Variants in TAFA2 observed in about 807,000 individuals in gnomAD.
TAFA2 encodes chemokine-like protein TAFA-2.
A neutral mutation model predicts 18.8 loss-of-function variants in TAFA2; 7 were observed. The ratio of observed to expected loss-of-function variants is 0.37; its 90% CI spans 0.21 to 0.70. TAFA2 has a LOEUF of 0.70. Among genes scored for constraint, TAFA2 ranks in the 30% least tolerant of loss-of-function variants. The pLI is 0.53. For missense variants in TAFA2, 122 were observed against 158.1 expected (o/e 0.77, Z 1.23); for synonymous variants, 60 against 54.2 (o/e 1.11, Z -0.47).
At chr12:61,835,496 C>G (rs1872884228) in intron 2 of TAFA2, among the ~76,000 whole-genome samples, 1 of 151,814 alleles carries the variant, frequency 6.6e-6, no homozygotes, top group African/African-American at 2.4e-5. Context: ...TAGTAGTACC[C>G]AATAGGTAGT....
At chr12:62,226,160 T>G (rs932586735) in intron 1 of TAFA2, among the ~76,000 whole-genome samples, 2 of 151,990 alleles carry the variant, frequency 1.3e-5, no homozygotes, top group African/African-American at 4.8e-5. Flanking sequence ...GTTTTAGGAC[T>G]CCAGTCTTGG....
At chr12:62,043,955 T>C (rs907476842) in intron 1 of TAFA2, among the ~76,000 whole-genome samples, 1 of 152,132 alleles carries the variant, frequency 6.6e-6, no homozygotes, top group African/African-American at 2.4e-5. Context: ...CAAGTGGCAC[T>C]TGTTCTAACA....
At chr12:61,924,385 G>A (rs1565683199) in intron 1 of TAFA2, among the ~76,000 whole-genome samples, 1 of 152,186 alleles carries the variant, frequency 6.6e-6, no homozygotes, top group African/African-American at 2.4e-5. Context: ...ACTAACAGCA[G>A]ATCTCTCTGC....
intron 1 of TAFA2, among the ~76,000 whole-genome samples, chr12:62,004,942 T>C (rs78497597): frequency 0.065 from 9,806 of 152,004 alleles, 405 homozygotes; most frequent in Non-Finnish European, 0.1. Context: ...AGAAAAATAA[T>C]GTATGATCTC....
intron 1 of TAFA2, among the ~76,000 whole-genome samples, chr12:61,995,637 G>A (rs1340473446): frequency 6.6e-6 from 1 of 152,092 alleles, no homozygotes; most frequent in East Asian, 1.9e-4. Flanking sequence ...TGATAATTAT[G>A]TGCAAGATTT....
At chr12:61,965,690 G>A (rs1271929946) in intron 1 of TAFA2, among the ~76,000 whole-genome samples, 1 of 151,922 alleles carries the variant, frequency 6.6e-6, no homozygotes, top group Non-Finnish European at 1.5e-5. Context: ...GGATGGACTA[G>A]TTCCAACAGT....
At chr12:62,090,660 C>A (rs970184441) in intron 1 of TAFA2, among the ~76,000 whole-genome samples, 2 of 152,036 alleles carry the variant, frequency 1.3e-5, no homozygotes, top group Non-Finnish European at 2.9e-5. Flanking sequence ...ACCTCTTTCC[C>A]ACAATCATGT....
chr12:61,805,302 C>A (rs1210164799), intron 2 of TAFA2, among the ~76,000 whole-genome samples: 1 of 151,972 alleles, frequency 6.6e-6, no homozygotes, highest in African/African-American at 2.4e-5. Context: ...CAAACTGGTA[C>A]CTGATAGCAA....
chr12:61,843,758 G>A (rs1043669057), intron 2 of TAFA2, among the ~76,000 whole-genome samples: 1 of 152,104 alleles, frequency 6.6e-6, no homozygotes, highest in East Asian at 1.9e-4. Context: ...TTATAAAGAT[G>A]TGAAACAGAA....
intron 1 of TAFA2, among the ~76,000 whole-genome samples, chr12:62,174,406 G>A (rs761270647): frequency 1.3e-5 from 2 of 152,114 alleles, no homozygotes; most frequent in Admixed American, 6.6e-5. Context: ...AAAGGCTGAG[G>A]AAGAGGAGCC....
intron 1 of TAFA2, among the ~76,000 whole-genome samples, chr12:62,175,439 A>G (rs187203370): frequency 1.3e-5 from 2 of 152,296 alleles, no homozygotes; most frequent in Admixed American, 1.3e-4. Flanking sequence ...TAAATATTAT[A>G]ATATACTGTG....
chr12:61,996,693 C>T (rs1245699856), intron 1 of TAFA2, among the ~76,000 whole-genome samples: 1 of 152,180 alleles, frequency 6.6e-6, no homozygotes, highest in East Asian at 1.9e-4. Context: ...TCCTCTTTCT[C>T]TCTTCCAAGC....
At chr12:61,912,941 A>C (rs1182942616) in intron 1 of TAFA2, among the ~76,000 whole-genome samples, 1 of 152,198 alleles carries the variant, frequency 6.6e-6, no homozygotes, top group African/African-American at 2.4e-5. Context: ...AGAGTTAAAA[A>C]TGTATAGAAT....
At chr12:61,711,609 T>C (rs1364725958) in intron 4 of TAFA2, among the ~76,000 whole-genome samples, 1 of 152,052 alleles carries the variant, frequency 6.6e-6, no homozygotes, top group African/African-American at 2.4e-5. Context: ...AACAAAATAA[T>C]AAGCTAGTTC....
intron 1 of TAFA2, among the ~76,000 whole-genome samples, chr12:62,245,367 T>C (rs1442164320): frequency 6.6e-6 from 1 of 151,944 alleles, no homozygotes; most frequent in African/African-American, 2.4e-5. Flanking sequence ...ATATTTTACT[T>C]AATAGATAAT....
chr12:61,744,436 T>C (rs1039791051), intron 4 of TAFA2, among the ~76,000 whole-genome samples: 1 of 152,162 alleles, frequency 6.6e-6, no homozygotes, highest in Admixed American at 6.6e-5. Flanking sequence ...AGCCGGATGA[T>C]ATATTTTTTT....
intron 2 of TAFA2, among the ~76,000 whole-genome samples, chr12:61,813,762 T>C (rs1871967969): frequency 1.3e-5 from 2 of 151,590 alleles, no homozygotes; most frequent in Non-Finnish European, 2.9e-5. Context: ...TTTTACTTAC[T>C]AGCTGTGACT....
intron 2 of TAFA2, among the ~76,000 whole-genome samples, chr12:61,852,446 T>TCAG (rs1425836030): frequency 6.6e-6 from 1 of 152,094 alleles, no homozygotes; most frequent in Non-Finnish European, 1.5e-5. Flanking sequence ...CCTTCAGAAT[T>TCAG]AAACAGCAGC....
At chr12:62,145,913 AG>A (rs1196291789) in intron 1 of TAFA2, among the ~76,000 whole-genome samples, 6 of 152,346 alleles carry the variant, frequency 3.9e-5, no homozygotes, top group African/African-American at 1.4e-4. Context: ...CCCCTTGGGT[AG>A]GATACCAGGA....
Sources: allele counts gnomAD v4.1 joint callset (sites outside exome capture counted in the v4.1 genomes callset), GRCh38; gene constraint gnomAD v4.1.1; transcripts MANE v1.5; gene names NCBI Gene and HGNC (gene_info 2026-07-23, HGNC 2026-07-21).